The following RREB1 variants were observed in gnomAD, a reference collection of about 807,000 sequenced individuals.
RREB1 encodes the protein ras-responsive element-binding protein 1.
In RREB1, 27 loss-of-function variants were observed where a neutral mutation model predicts 117.8. The observed-to-expected ratio is 0.23, with a 90% CI of 0.17 to 0.32. The LOEUF (loss-of-function observed/expected upper bound fraction) is 0.32, where lower values mean the gene tolerates loss of function less well. Among genes scored for constraint, RREB1 ranks in the 10% least tolerant of loss-of-function variants. The pLI is 1.00. For synonymous variants in RREB1, 1,298 were observed against 1,026.7 expected (o/e 1.26, Z -5.05); for missense variants, 2,577 against 2,378.2 (o/e 1.08, Z -1.74).
At chr6:7,156,566 T>C (rs1179074626) in intron 1 of RREB1, among the ~76,000 whole-genome samples, 1 of 152,126 alleles carries the variant, frequency 6.6e-6, no homozygotes, top group Non-Finnish European at 1.5e-5. Flanking sequence ...CTGAAAAAAA[T>C]GTGAAAGCCA....
rs777694316 is a variant in RREB1, at chr6:7,246,953, C to T, written c.4503C>T (p.Pro1501=). 11 of 1,563,420 alleles carry T rather than the reference C, an allele frequency of 7.0e-6. No homozygotes were observed. Among genetic ancestry groups the T allele is most frequent in the African/African-American group, 1.4e-5 (1 of 73,278 alleles). The change falls in exon 12 of 13, where the codon CCC becomes CCT. Residue 1501 remains proline, a synonymous_variant. Coordinates refer to ENST00000379938, the MANE Select transcript of RREB1 (RefSeq NM_001003699.4). Reference sequence around the variant, plus strand: ...CCCCTGAACAGGAGGAGAAGCCCCCCGAGACCCCGGCAGAGGTGGTGGAGT... The same window carrying T: ...CCCCTGAACAGGAGGAGAAGCCCCCTGAGACCCCGGCAGAGGTGGTGGAGT... ...QPAPEQEEKP[P]ETPAEVVESA... is the part of the protein sequence containing the mutation.
At chr6:7,208,075 G>A (rs552535789) in intron 6 of RREB1, among the ~76,000 whole-genome samples, 35 of 152,306 alleles carry the variant, frequency 2.3e-4, no homozygotes, top group African/African-American at 8.2e-4. Flanking sequence ...TGGGCTCCTT[G>A]TCATTTATTG....
chr6:7,157,766 GA>G (rs77014873), intron 1 of RREB1, among the ~76,000 whole-genome samples: 86 of 145,490 alleles, frequency 5.9e-4, no homozygotes, highest in Non-Finnish European at 7.5e-4. Flanking sequence ...GTCTCTTTGG[GA>G]AAAAAAAAAA....
intron 1 of RREB1, among the ~76,000 whole-genome samples, chr6:7,135,471 A>C (rs1762315786): frequency 6.6e-6 from 1 of 152,012 alleles, no homozygotes; most frequent in African/African-American, 2.4e-5. Context: ...TTGTGGTTCC[A>C]TTTTCCTTTT....
At chr6:7,180,476 A>C (rs952688928) in intron 2 of RREB1, among the ~76,000 whole-genome samples, 3 of 152,140 alleles carry the variant, frequency 2.0e-5, no homozygotes, top group Admixed American at 2.0e-4. Context: ...GGATAATAGG[A>C]TCTTAATATC....
intron 8 of RREB1, among the ~76,000 whole-genome samples, chr6:7,224,974 C>T (rs969427907): frequency 3.3e-5 from 5 of 152,034 alleles, no homozygotes; most frequent in Admixed American, 1.3e-4. Flanking sequence ...ACAGCAGGAC[C>T]GGGTTCTGCT....
chr6:7,232,408 A>T (rs1768053005), intron 10 of RREB1, among the ~76,000 whole-genome samples: 1 of 152,224 alleles, frequency 6.6e-6, no homozygotes, highest in Non-Finnish European at 1.5e-5. Context: ...TTAAAGAGAA[A>T]TATGACAAAT....
rs777173515 is a variant in RREB1, at chr6:7,229,413, C to T, written c.1314C>T (p.Ser438=). The part of the protein sequence containing the change: ...PATKDSIKHL[S]LQPFQKGFII... ...CCAAGGACAGCATAAAGCACCTGTC[C>T]CTGCAGCCCTTCCAGAAGGGCTTCA... The change falls in exon 10 of 13, where the codon TCC becomes TCT. Residue 438 remains serine (S), a synonymous_variant. Transcript: ENST00000379938. The surrounding 1 kb of genome is among the most constrained non-coding windows in gnomAD (Gnocchi z 4.5). 6.2e-7 allele frequency: 1 copy of T among 1,614,166 alleles called. No homozygotes were observed. Among genetic ancestry groups the T allele is most frequent in the Non-Finnish European group, 8.5e-7 (1 of 1,179,986 alleles).
At chr6:7,248,440 C>A in intron 12 of RREB1, 71 bp from the exon 13 acceptor site, 1 of 1,348,250 alleles carries the variant, frequency 7.4e-7, no homozygotes, top group Non-Finnish European at 1.0e-6. Context: ...CTCATTCTTC[C>A]TGTGCAGAGC....
intron 1 of RREB1, among the ~76,000 whole-genome samples, chr6:7,159,748 C>G (rs1763556844): frequency 6.6e-6 from 1 of 152,184 alleles, no homozygotes; most frequent in African/African-American, 2.4e-5. Flanking sequence ...CTCCTTAACT[C>G]TCCAAAAGTA....
At chr6:7,199,368 T>C (rs1053929414) in intron 6 of RREB1, among the ~76,000 whole-genome samples, 19 of 152,144 alleles carry the variant, frequency 1.2e-4, no homozygotes, top group African/African-American at 4.6e-4. Flanking sequence ...TCCTCTCCCT[T>C]AAGATATTTA....
intron 6 of RREB1, among the ~76,000 whole-genome samples, chr6:7,196,123 A>G (rs1765653293): frequency 1.3e-5 from 2 of 150,792 alleles, no homozygotes; most frequent in Non-Finnish European, 2.9e-5. Context: ...GTGTGTGTGC[A>G]CACTCTTCCA....
intron 1 of RREB1, among the ~76,000 whole-genome samples, chr6:7,146,724 C>T (rs904631537): frequency 6.6e-6 from 1 of 151,452 alleles, no homozygotes; most frequent in African/African-American, 2.4e-5. Context: ...TAGAAGCAGA[C>T]TCACATAGGC....
In RREB1 at chr6:7,192,116, A is replaced by ATTTTTTTTTTTTTT. The variant is rs34074532; in HGVS notation, c.425+2808_425+2821dup. ...AAAAGGTATTGGATTTTGTCAGATG[A>ATTTTTTTTTTTTTT]TTTTTTTTTTTTTTTTTTTTTTTTT... On this transcript the variant is annotated intron_variant, in intron 6 of 12. Transcript: ENST00000379938. Among the ~76,000 whole-genome samples the ATTTTTTTTTTTTTT allele has an allele frequency of 1.2e-3, 18 of 15,318 alleles. 1 individual carries two copies. The East Asian group carries it at 0.014, about 12-fold the overall frequency. The allele number at this position is 15,318 out of a possible 152,430, so 10.0% of individuals were successfully genotyped here.
At position 7,231,079 on chromosome 6, in the gene RREB1, G is replaced by A. The variant is rs1767930713; in HGVS notation, c.2980G>A (p.Ala994Thr). The A allele has an allele frequency of 2.5e-6, 4 of 1,613,328 alleles. No individual in the cohort carries two copies. Among genetic ancestry groups the A allele is most frequent in the East Asian group, 2.2e-5 (1 of 44,840 alleles). ...CAGCGGAATCCTGGAAAGCCCCATG[G>A]CCCCTGCTCCGGCGGCCACCCCGGA... Reference protein sequence around the residue: ...GPSGILESPMAPAPAATPEPP... With the variant: ...GPSGILESPMTPAPAATPEPP... The change falls in exon 10 of 13, where the codon GCC becomes ACC. Residue 994 changes from alanine to threonine, a missense_variant. Transcript: ENST00000379938.
intron 1 of RREB1, among the ~76,000 whole-genome samples, chr6:7,150,108 CT>C (rs2113422370): frequency 6.6e-6 from 1 of 151,794 alleles, no homozygotes; most frequent in East Asian, 1.9e-4. Flanking sequence ...ATACCAGACT[CT>C]TTCTTGGCCT....
chr6:7,192,102 G>T (rs1765431332), intron 6 of RREB1, among the ~76,000 whole-genome samples: 1 of 112,462 alleles, frequency 8.9e-6, no homozygotes, highest in African/African-American at 3.6e-5. Flanking sequence ...AAAGGTATTG[G>T]ATTTTGTCAG....
intron 6 of RREB1, among the ~76,000 whole-genome samples, chr6:7,206,652 G>C (rs906529433): frequency 6.6e-6 from 1 of 152,172 alleles, no homozygotes; most frequent in African/African-American, 2.4e-5. Flanking sequence ...TTCAGCTACT[G>C]CTGTGTGCTG....
chr6:7,203,743 C>G (rs561396400), intron 6 of RREB1, among the ~76,000 whole-genome samples: 2 of 152,246 alleles, frequency 1.3e-5, no homozygotes, highest in Non-Finnish European at 2.9e-5. Flanking sequence ...CTACAGTCAA[C>G]AGATGAGAGA....
Sources: gnomAD v4.1 joint callset for allele counts (sites outside exome capture counted in the v4.1 genomes callset) on GRCh38, gnomAD v4.1.1 for gene constraint, Gnocchi (gnomAD v3.1) non-coding constraint, MANE v1.5 for transcripts, NCBI Gene and HGNC (gene_info 2026-07-23, HGNC 2026-07-21) for gene names.